Variants in MTA3 observed in about 807,000 individuals in gnomAD.
The protein encoded by MTA3 is metastasis-associated protein MTA3.
MTA3 carries 34 observed loss-of-function variants against 83.5 expected under a neutral mutation model. The observed-to-expected ratio is 0.41, with a 90% CI of 0.31 to 0.54. The LOEUF (loss-of-function observed/expected upper bound fraction) is 0.54. Ranked by LOEUF, MTA3 falls within the 20% of genes least tolerant of loss-of-function variation. MTA3 has a pLI of 0.33. For missense variants in MTA3, 761 were observed against 726.4 expected (o/e 1.05, Z -0.55); for synonymous variants, 303 against 252.7 (o/e 1.20, Z -1.89).
chr2:42,748,237 G>C (rs937823657), intron 16 of MTA3, among the ~76,000 whole-genome samples: 2 of 150,612 alleles, frequency 1.3e-5, no homozygotes, highest in African/African-American at 5.0e-5. Context: ...GTGTGTGTGT[G>C]TGTGTTTTAG....
chr2:42,638,747 A>G (rs1055701221), intron 4 of MTA3, among the ~76,000 whole-genome samples: 2 of 151,136 alleles, frequency 1.3e-5, no homozygotes, highest in Non-Finnish European at 2.9e-5. Flanking sequence ...TGAATAAAAT[A>G]TGTTAGAAAA....
At chr2:42,500,794 C>G (rs1371995039) in intron 2 of MTA3, among the ~76,000 whole-genome samples, 1 of 149,518 alleles carries the variant, frequency 6.7e-6, no homozygotes, top group African/African-American at 2.5e-5. Flanking sequence ...GTATCAAAAT[C>G]AAGAGGCTTT....
chr2:42,608,756 C>T (rs955327576), intron 3 of MTA3, among the ~76,000 whole-genome samples: 1 of 152,132 alleles, frequency 6.6e-6, no homozygotes. Flanking sequence ...TGGTGATGTA[C>T]GCCTGTAATC....
intron 16 of MTA3, among the ~76,000 whole-genome samples, chr2:42,737,185 C>G (rs188066726): frequency 2.0e-4 from 31 of 152,288 alleles, no homozygotes; most frequent in African/African-American, 6.3e-4. Flanking sequence ...AAGACCAGCA[C>G]AGCACCAGGA....
chr2:42,641,624 G>T (rs1354655053), intron 5 of MTA3, among the ~76,000 whole-genome samples: 5 of 152,088 alleles, frequency 3.3e-5, no homozygotes, highest in African/African-American at 9.7e-5. Context: ...GAGGTGGGCG[G>T]ATCACGAGGT....
At chr2:42,664,128 G>A (rs1045636465) in intron 8 of MTA3, among the ~76,000 whole-genome samples, 8 of 151,928 alleles carry the variant, frequency 5.3e-5, no homozygotes, top group African/African-American at 1.2e-4. Flanking sequence ...GGATTTAAGC[G>A]TCATTATTGT....
chr2:42,656,139 A>G, intron 6 of MTA3, 61 bp from the exon 7 acceptor site: 1 of 1,215,002 alleles, frequency 8.2e-7, no homozygotes, highest in Admixed American at 1.7e-5. Context: ...AGTTGTCATC[A>G]GTGGTATGAG....
chr2:42,678,610 T>C (rs1691593646), intron 8 of MTA3, among the ~76,000 whole-genome samples: 1 of 152,164 alleles, frequency 6.6e-6, no homozygotes, highest in African/African-American at 2.4e-5. Flanking sequence ...ATTACAGGTG[T>C]GAACCACCGC....
chr2:42,587,490 A>G (rs1189727422), intron 3 of MTA3, among the ~76,000 whole-genome samples: 2 of 152,226 alleles, frequency 1.3e-5, no homozygotes, highest in African/African-American at 2.4e-5. Flanking sequence ...TAAAATACAT[A>G]CAAAAATGTA....
chr2:42,556,674 G>A (rs2103789627), intron 2 of MTA3, among the ~76,000 whole-genome samples: 1 of 152,290 alleles, frequency 6.6e-6, no homozygotes, highest in African/African-American at 2.4e-5. Flanking sequence ...CCTTCAGCCA[G>A]AAAGCCACTC....
intron 4 of MTA3, among the ~76,000 whole-genome samples, chr2:42,611,989 C>A (rs1684280092): frequency 1.3e-5 from 2 of 151,986 alleles, no homozygotes; most frequent in African/African-American, 4.8e-5. Flanking sequence ...TATTAGGGGG[C>A]ACTATGGTTA....
At chr2:42,509,597 C>G (rs1399448669) in intron 2 of MTA3, among the ~76,000 whole-genome samples, 1 of 151,942 alleles carries the variant, frequency 6.6e-6, no homozygotes, top group Non-Finnish European at 1.5e-5. Context: ...TGGCAAAACT[C>G]TGTTCCTACT....
intron 4 of MTA3, among the ~76,000 whole-genome samples, chr2:42,627,725 ATTTTTTTT>A (rs869227831): frequency 1.3e-4 from 13 of 103,378 alleles, no homozygotes; most frequent in East Asian, 8.8e-4. Flanking sequence ...GCCTGGCTAA[ATTTTTTTT>A]TTTTTTTTTT....
chr2:42,755,774 G>T lies in MTA3; in HGVS notation c.*2375G>T. On this transcript the variant is annotated 3_prime_UTR_variant, in exon 17 of 17. Transcript: ENST00000405094. Reference sequence around the variant, plus strand: ...TGTGTGTCAGTGGCATGTCACTGTGGTTCAGTGAGCACATGGGTGGACGTG... The same window carrying T: ...TGTGTGTCAGTGGCATGTCACTGTGTTTCAGTGAGCACATGGGTGGACGTG... 1 of 985,578 alleles carries T rather than the reference G, an allele frequency of 1.0e-6. No individual in the cohort carries two copies. Among genetic ancestry groups the T allele is most frequent in the Non-Finnish European group, 1.2e-6 (1 of 830,032 alleles). The allele number at this position is 985,578 out of a possible 1,614,324, so 61.1% of individuals were successfully genotyped here.
chr2:42,659,807 T>C lies in MTA3; in HGVS notation c.647T>C (p.Val216Ala). 2 of 1,609,294 alleles carry C rather than the reference T, an allele frequency of 1.2e-6. No homozygotes were observed. Among genetic ancestry groups the C allele is most frequent in the Non-Finnish European group, 8.5e-7 (1 of 1,177,816 alleles). Reference protein sequence around the residue: ...FARALDCSSSVRQPSLHMSAA... With the variant: ...FARALDCSSSARQPSLHMSAA... ...AGAGCCCTGGATTGCAGCAGTTCTGTGAGGCAGCCTAGTTTGCATATGAGT... is the reference window on the plus strand; with the variant it reads ...AGAGCCCTGGATTGCAGCAGTTCTGCGAGGCAGCCTAGTTTGCATATGAGT... Residue 216 changes from valine (V) to alanine (A), a missense_variant, in exon 8 of 17, where the codon GTG (valine) becomes GCG (alanine). Val to Ala is a moderately conservative substitution (Grantham distance 64). Transcript: ENST00000405094.
intron 2 of MTA3, among the ~76,000 whole-genome samples, chr2:42,576,602 G>A (rs1392398515): frequency 1.3e-5 from 2 of 151,552 alleles, no homozygotes; most frequent in Non-Finnish European, 2.9e-5. Context: ...CCCCATCTCT[G>A]AAAAAAACCA....
chr2:42,677,305 G>C (rs1691456450), intron 8 of MTA3, among the ~76,000 whole-genome samples: 1 of 151,914 alleles, frequency 6.6e-6, no homozygotes, highest in South Asian at 2.1e-4. Flanking sequence ...CTGTTCTCGT[G>C]ATAGTGAATA....
intron 9 of MTA3, among the ~76,000 whole-genome samples, chr2:42,685,486 A>G (rs1393043034): frequency 6.6e-6 from 1 of 152,070 alleles, no homozygotes; most frequent in Non-Finnish European, 1.5e-5. Flanking sequence ...GGAAGCTAAC[A>G]CTCTACCTGT....
intron 2 of MTA3, among the ~76,000 whole-genome samples, chr2:42,549,442 TAC>T (rs1170204405): frequency 1.1e-4 from 5 of 44,228 alleles, no homozygotes; most frequent in African/African-American, 4.5e-4. Context: ...TATATACGTA[TAC>T]ATATAATATA....
Sources: gnomAD v4.1 joint callset for allele counts (sites outside exome capture counted in the v4.1 genomes callset) on GRCh38, gnomAD v4.1.1 for gene constraint, MANE v1.5 for transcripts, NCBI Gene and HGNC (gene_info 2026-07-23, HGNC 2026-07-21) for gene names.